The following TENM4 variants were observed in gnomAD, a reference collection of about 807,000 sequenced individuals.
TENM4 encodes the protein teneurin-4.
TENM4 carries 82 observed loss-of-function variants against 243.3 expected under a neutral mutation model. The ratio of observed to expected loss-of-function variants is 0.34; its 90% CI spans 0.28 to 0.40. The LOEUF (loss-of-function observed/expected upper bound fraction) is 0.40, where lower values mean the gene tolerates loss of function less well. TENM4 is among the 10% of genes least tolerant of loss of function. The pLI is 1.00. For missense variants in TENM4, 3,138 were observed against 3,673.3 expected (o/e 0.85, Z 3.77); for synonymous variants, 1,412 against 1,456.3 (o/e 0.97, Z 0.69).
intron 31 of TENM4, among the ~76,000 whole-genome samples, chr11:78,670,775 T>C (rs1236279557): frequency 6.6e-6 from 1 of 152,204 alleles, no homozygotes; most frequent in Non-Finnish European, 1.5e-5. Context: ...CAGCCTCATC[T>C]TAGCACAGCT....
chr11:78,848,233 C>T (rs73498584), intron 12 of TENM4, among the ~76,000 whole-genome samples: 15,811 of 151,730 alleles, frequency 0.1, 2,087 homozygotes, highest in African/African-American at 0.31. Flanking sequence ...GCTCTTGTTC[C>T]GGGTCTCATC....
chr11:79,044,758 C>A (rs1859618733), intron 6 of TENM4, among the ~76,000 whole-genome samples: 1 of 152,166 alleles, frequency 6.6e-6, no homozygotes, highest in Non-Finnish European at 1.5e-5. Context: ...GAGGATTACG[C>A]AGACTACTTG....
intron 1 of TENM4, among the ~76,000 whole-genome samples, chr11:79,369,205 C>A (rs1664330973): frequency 6.6e-6 from 1 of 152,140 alleles, no homozygotes; most frequent in African/African-American, 2.4e-5. Context: ...ATGACACCAC[C>A]AAATTACCAA....
At chr11:79,385,392 G>A (rs771029609) in intron 1 of TENM4, among the ~76,000 whole-genome samples, 1 of 152,116 alleles carries the variant, frequency 6.6e-6, no homozygotes, top group Non-Finnish European at 1.5e-5. Flanking sequence ...ATTTTAGATC[G>A]GGAGATTTTT....
chr11:79,437,798 G>C (rs963127658), intron 1 of TENM4, among the ~76,000 whole-genome samples: 3 of 152,226 alleles, frequency 2.0e-5, no homozygotes, highest in Non-Finnish European at 4.4e-5. Context: ...TGCCCGGGGA[G>C]CTAACCCAGC....
At chr11:78,826,901 C>T (rs1857865480) in intron 12 of TENM4, among the ~76,000 whole-genome samples, 1 of 152,182 alleles carries the variant, frequency 6.6e-6, no homozygotes, top group Admixed American at 6.5e-5. Context: ...CAGCCACAGG[C>T]CATCTCTGTA....
intron 28 of TENM4, among the ~76,000 whole-genome samples, chr11:78,690,749 C>T (rs1469412336): frequency 1.3e-5 from 2 of 152,152 alleles, no homozygotes; most frequent in Non-Finnish European, 2.9e-5. Flanking sequence ...CATGATTAAG[C>T]TGGGTCCGGT....
rs2135620998 is a variant in TENM4, at chr11:78,658,496, A to G, written c.7872T>C (p.Pro2624=). ...VDTHYFVKPG[P]SEGDLAILGL... ...CCAGGATGGCCAGGTCACCTTCTGA[A>G]GGTCCTGGTTTCACAAAGTAATGGG... Residue 2624 remains proline, a synonymous_variant, in exon 34 of 34, where the codon CCT becomes CCC. Coordinates refer to ENST00000278550, the MANE Select transcript of TENM4 (RefSeq NM_001098816.3). The G allele has an allele frequency of 6.2e-7, 1 of 1,614,040 alleles. No homozygotes were observed.
At chr11:79,158,784 G>A (rs1862678659) in intron 3 of TENM4, among the ~76,000 whole-genome samples, 1 of 152,184 alleles carries the variant, frequency 6.6e-6, no homozygotes, top group Non-Finnish European at 1.5e-5. Context: ...CATACAGGCA[G>A]GAGAGATGGA....
At chr11:79,392,460 G>T (rs1265011032) in intron 1 of TENM4, among the ~76,000 whole-genome samples, 1 of 152,226 alleles carries the variant, frequency 6.6e-6, no homozygotes, top group Non-Finnish European at 1.5e-5. Context: ...GCTAGTGAAA[G>T]TCCCTTTAGA....
chr11:79,391,589 G>T (rs1488595380), intron 1 of TENM4, among the ~76,000 whole-genome samples: 1 of 152,114 alleles, frequency 6.6e-6, no homozygotes, highest in Non-Finnish European at 1.5e-5. Flanking sequence ...AAAACCAAAA[G>T]GTTGGGTTTT....
chr11:78,801,145 G>A (rs970271388), intron 15 of TENM4, among the ~76,000 whole-genome samples: 3 of 152,164 alleles, frequency 2.0e-5, no homozygotes, highest in Admixed American at 1.3e-4. Flanking sequence ...GGCAAGAGCT[G>A]AGGACTTGGG....
At chr11:79,082,373 T>G (rs963882837) in intron 4 of TENM4, among the ~76,000 whole-genome samples, 1 of 152,192 alleles carries the variant, frequency 6.6e-6, no homozygotes. Context: ...CTTGAAATTT[T>G]GTTTTTAGAG....
At chr11:79,002,016 C>G (rs1858341995) in intron 6 of TENM4, among the ~76,000 whole-genome samples, 2 of 152,272 alleles carry the variant, frequency 1.3e-5, no homozygotes, top group African/African-American at 4.8e-5. Context: ...CCAGGGTGCA[C>G]CTGGCTTCCC....
Position 79,171,906 on chromosome 11 carries a change from C to T in TENM4, c.-162-23100G>A, listed in dbSNP as rs148413308. Reference sequence around the variant, plus strand: ...TAAGCTGGGGTAACCAAGTACTTTGCCATCCAAAGCAGGTCACTTTTGAGG... The same window carrying T: ...TAAGCTGGGGTAACCAAGTACTTTGTCATCCAAAGCAGGTCACTTTTGAGG... On this transcript the variant is annotated intron_variant, in intron 3 of 33. Transcript: ENST00000278550. Among the ~76,000 whole-genome samples, 654 of 152,272 alleles carry T rather than the reference C, an allele frequency of 4.3e-3. 3 individuals carry two copies. Among genetic ancestry groups the T allele is most frequent in the African/African-American group, 0.015 (607 of 41,552 alleles).
intron 6 of TENM4, among the ~76,000 whole-genome samples, chr11:78,912,690 G>T (rs1043572330): frequency 1.3e-5 from 2 of 152,198 alleles, no homozygotes; most frequent in African/African-American, 4.8e-5. Flanking sequence ...GTGCCCTACT[G>T]CCCTTTAACT....
intron 1 of TENM4, among the ~76,000 whole-genome samples, chr11:79,356,427 A>C (rs11237799): frequency 0.2 from 30,205 of 152,150 alleles, 3,446 homozygotes; most frequent in African/African-American, 0.32. Flanking sequence ...GTGTAGAGTC[A>C]TCACCACTAC....
intron 19 of TENM4, among the ~76,000 whole-genome samples, chr11:78,747,653 G>A (rs1166335230): frequency 6.6e-6 from 1 of 152,194 alleles, no homozygotes; most frequent in Admixed American, 6.5e-5. Flanking sequence ...GCCCCTCACT[G>A]TGGGATTTGC....
At chr11:79,348,125 T>C (rs560522930) in intron 1 of TENM4, among the ~76,000 whole-genome samples, 1 of 152,320 alleles carries the variant, frequency 6.6e-6, no homozygotes, top group South Asian at 2.1e-4. Flanking sequence ...TTTCCCAGGA[T>C]ACCTGGACAA....
Sources: allele counts gnomAD v4.1 joint callset (sites outside exome capture counted in the v4.1 genomes callset), GRCh38; gene constraint gnomAD v4.1.1; transcripts MANE v1.5; gene names NCBI Gene and HGNC (gene_info 2026-07-23, HGNC 2026-07-21).